Variants in PTPRZ1 observed in about 807,000 individuals in gnomAD.
PTPRZ1 encodes protein tyrosine phosphatase receptor type Z1, also known as receptor-type tyrosine-protein phosphatase zeta.
PTPRZ1 carries 82 observed loss-of-function variants against 214.1 expected under a neutral mutation model. The observed-to-expected ratio is 0.38, with a 90% CI of 0.32 to 0.46. The LOEUF (loss-of-function observed/expected upper bound fraction) is 0.46, where lower values mean the gene tolerates loss of function less well. PTPRZ1 is among the 20% of genes least tolerant of loss of function. The pLI is 1.00. For missense variants in PTPRZ1, 2,603 were observed against 2,748.7 expected, an observed-to-expected ratio of 0.95 and a Z score of 1.19; for synonymous variants, 945 against 987.9, an observed-to-expected ratio of 0.96 and a Z score of 0.81.
Position 121,984,078 on chromosome 7 carries a change from T to C in PTPRZ1, c.889T>C (p.Phe297Leu). 6.2e-7 allele frequency: 1 copy of C among 1,613,558 alleles called. No individual in the cohort carries two copies. The highest frequency in any genetic ancestry group is 8.5e-7 in the Non-Finnish European group (1 of 1,179,672). Residue 297 changes from phenylalanine (F) to leucine (L), a missense_variant, in exon 8 of 30, where the codon TTT (phenylalanine) becomes CTT (leucine). Physicochemically the swap from Phe to Leu is conservative, Grantham distance 22 (BLOSUM62 0). Transcript: ENST00000393386. ...EQQYKFSRQVFSSYTGKEEIH... is the reference protein window; with the variant it reads ...EQQYKFSRQVLSSYTGKEEIH... ...ACAGTACAAGTTCTCTAGACAGGTG[T>C]TTTCCTCATACACTGGAAAGGAAGA...
intron 1 of PTPRZ1, among the ~76,000 whole-genome samples, chr7:121,896,776 TAA>T (rs554990834): frequency 9.9e-5 from 12 of 120,910 alleles, no homozygotes; most frequent in Admixed American, 8.1e-5. Flanking sequence ...CTGCCTCAAA[TAA>T]AAAAAAAAAA....
At position 122,010,663 on chromosome 7, in the gene PTPRZ1, T is replaced by C. The variant is rs747469280; in HGVS notation, c.1617T>C (p.Asn539=). 2.5e-6 allele frequency: 4 copies of C among 1,613,576 alleles called. No homozygotes were observed. Among genetic ancestry groups the C allele is most frequent in the Non-Finnish European group, 2.5e-6 (3 of 1,179,610 alleles). Residue 539 remains asparagine, a synonymous_variant, in exon 12 of 30, where the codon AAT becomes AAC. Transcript: ENST00000393386. The part of the protein sequence containing the change: ...HTVEGTSASL[N]DGSKTVLRSP... Reference sequence around the variant, plus strand: ...TGGAAGGTACTTCAGCCTCTTTAAATGATGGCTCTAAAACTGTTCTTAGAT... The same window carrying C: ...TGGAAGGTACTTCAGCCTCTTTAAACGATGGCTCTAAAACTGTTCTTAGAT...
At chr7:122,045,623 GATA>G (rs756060666) in intron 23 of PTPRZ1, among the ~76,000 whole-genome samples, 1 of 151,134 alleles carries the variant, frequency 6.6e-6, no homozygotes, top group Non-Finnish European at 1.5e-5. Flanking sequence ...TTGGTTTTCA[GATA>G]ATAAAGAAAT....
chr7:121,903,760 G>C (rs771893958), intron 1 of PTPRZ1, among the ~76,000 whole-genome samples: 1 of 152,086 alleles, frequency 6.6e-6, no homozygotes, highest in Non-Finnish European at 1.5e-5. Context: ...GAGTCCTAAA[G>C]CAAGAAGAAG....
chr7:122,019,106 A>C lies in PTPRZ1; in HGVS notation c.4844-18A>C. 2 of 1,585,568 alleles carry C rather than the reference A, an allele frequency of 1.3e-6. No individual in the cohort carries two copies. The highest frequency in any genetic ancestry group is 1.7e-6 in the Non-Finnish European group (2 of 1,163,704). On this transcript the variant is annotated intron_variant, in intron 12 of 29. Coordinates refer to ENST00000393386, the MANE Select transcript of PTPRZ1 (RefSeq NM_002851.3). ...CTTCACCTTAAATATCAATTCTCTC[A>C]ATTTTCTCTGACTACAGAGGCCAGT...
At chr7:122,033,147 A>G (rs763294371) in intron 15 of PTPRZ1, among the ~76,000 whole-genome samples, 39 of 152,138 alleles carry the variant, frequency 2.6e-4, no homozygotes, top group Middle Eastern at 3.4e-3. Context: ...TCTTAATTCT[A>G]TCTCTTTTAA....
At chr7:122,048,328 G>A (rs73222698) in intron 23 of PTPRZ1, among the ~76,000 whole-genome samples, 1 of 151,896 alleles carries the variant, frequency 6.6e-6, no homozygotes, top group African/African-American at 2.4e-5. Context: ...TTGATGAAGG[G>A]AGGAAAGAAT....
At chr7:122,053,089 T>G (rs774977346) in intron 25 of PTPRZ1, among the ~76,000 whole-genome samples, 6 of 152,126 alleles carry the variant, frequency 3.9e-5, no homozygotes, top group Non-Finnish European at 5.9e-5. Flanking sequence ...TTAGTATTTA[T>G]GGACCCTGAA....
At chr7:122,018,806 T>G (rs1208486363) in intron 12 of PTPRZ1, among the ~76,000 whole-genome samples, 1 of 152,182 alleles carries the variant, frequency 6.6e-6, no homozygotes. Context: ...CAGTAGTGAT[T>G]TTTAAATTAC....
At chr7:121,901,986 GCCAATCCCTCT>G (rs1344781182) in intron 1 of PTPRZ1, among the ~76,000 whole-genome samples, 1 of 151,966 alleles carries the variant, frequency 6.6e-6, no homozygotes, top group African/African-American at 2.4e-5. Flanking sequence ...GTACCTGTTG[GCCAATCCCTCT>G]CCATTCCCGA....
At position 122,013,464 on chromosome 7, in the gene PTPRZ1, T is replaced by C. The variant is rs1798744969; in HGVS notation, c.4418T>C (p.Ile1473Thr). 1 of 1,614,004 alleles carries C rather than the reference T, an allele frequency of 6.2e-7. No homozygotes were observed. Among genetic ancestry groups the C allele is most frequent in the African/African-American group, 1.3e-5 (1 of 74,940 alleles). The change falls in exon 12 of 30, where the codon ATC (isoleucine) becomes ACC (threonine). Residue 1473 changes from isoleucine to threonine, a missense_variant. Ile to Thr is a moderately conservative substitution (Grantham distance 89). Around this residue, in one of 6 missense-constraint regions of PTPRZ1, gnomAD observed 1,913 missense variants for 1,914.3 expected, o/e 1.00. Transcript: ENST00000393386. ...AGTCTTATGGATCAGAATAATCCAA[T>C]CTCATACTCACTATCTGAGAATTCT... Reference protein sequence around the residue: ...ENSLMDQNNPISYSLSENSEE... With the variant: ...ENSLMDQNNPTSYSLSENSEE...
intron 1 of PTPRZ1, among the ~76,000 whole-genome samples, chr7:121,893,900 C>T (rs1217154341): frequency 6.6e-6 from 1 of 151,996 alleles, no homozygotes; most frequent in Non-Finnish European, 1.5e-5. Context: ...GGTAGCTACA[C>T]TTCTTTATCC....
At chr7:121,988,216 T>C (rs1797825115) in intron 8 of PTPRZ1, among the ~76,000 whole-genome samples, 1 of 152,166 alleles carries the variant, frequency 6.6e-6, no homozygotes. Context: ...AAGGGGCCCT[T>C]CGTTTGCCAA....
chr7:121,881,012 A>G (rs570527892), intron 1 of PTPRZ1, among the ~76,000 whole-genome samples: 2 of 152,310 alleles, frequency 1.3e-5, no homozygotes, highest in Non-Finnish European at 2.9e-5. Context: ...GGTGTTATGG[A>G]CTGAATGTTT....
intron 2 of PTPRZ1, among the ~76,000 whole-genome samples, chr7:121,943,315 C>T (rs542350560): frequency 6.6e-6 from 1 of 152,058 alleles, no homozygotes; most frequent in African/African-American, 2.4e-5. Context: ...AGAATGAAAC[C>T]ATAAGTAGTG....
chr7:121,997,170 A>G lies in PTPRZ1; in HGVS notation c.1113+604A>G, dbSNP rs74575170. 2.0e-3 allele frequency among the ~76,000 whole-genome samples: 307 copies of G among 152,302 alleles called. 5 individuals carry two copies. In the East Asian group the frequency reaches 0.037, roughly 18 times the overall value. On this transcript the variant is annotated intron_variant, in intron 9 of 29. Coordinates refer to ENST00000393386, the MANE Select transcript of PTPRZ1 (RefSeq NM_002851.3). ...TTGCTCTGGTAGGGAAGTGTTGGCC[A>G]TAGATTAGGGTGTAGTTGACAAACC...
rs1276994610 is a variant in PTPRZ1, at chr7:122,038,858, T to C, written c.5471T>C (p.Val1824Ala). 3.1e-6 allele frequency: 5 copies of C among 1,613,812 alleles called. No individual in the cohort carries two copies. The highest frequency in any genetic ancestry group is 3.4e-6 in the Non-Finnish European group (4 of 1,179,896). The change falls in exon 19 of 30, where the codon GTC becomes GCC. Residue 1824 changes from valine (V) to alanine (A), a missense_variant. Val to Ala is a moderately conservative substitution (Grantham distance 64, BLOSUM62 0). Around this residue, in one of 6 missense-constraint regions of PTPRZ1, gnomAD observed 1,913 missense variants for 1,914.3 expected, o/e 1.00. Transcript: ENST00000393386. ...TGGGAACATAATGTGGAAGTTATTG[T>C]CATGATAACAAACCTCGTGGAGAAA... ...MIWEHNVEVI[V>A]MITNLVEKGR...
At chr7:122,057,645 C>CTTTTTTTTTTTTTTTTTT (rs5887066) in intron 27 of PTPRZ1, among the ~76,000 whole-genome samples, 1 of 128,176 alleles carries the variant, frequency 7.8e-6, no homozygotes, top group Admixed American at 7.7e-5. Flanking sequence ...CTTTGTGATT[C>CTTTTTTTTTTTTTTTTTT]TTTTTTTTTT....
intron 1 of PTPRZ1, among the ~76,000 whole-genome samples, chr7:121,882,463 G>A (rs911216822): frequency 6.6e-6 from 1 of 152,198 alleles, no homozygotes; most frequent in Non-Finnish European, 1.5e-5. Flanking sequence ...ATTAAGGTTG[G>A]CATGCAGAGA....
Sources: gnomAD v4.1 joint callset for allele counts (sites outside exome capture counted in the v4.1 genomes callset) on GRCh38, gnomAD v4.1.1 for gene constraint, gnomAD v4.1.1 regional missense constraint, MANE v1.5 for transcripts, NCBI Gene and HGNC (gene_info 2026-07-23, HGNC 2026-07-21) for gene names.